Variants in BCAR3 observed in about 807,000 individuals in gnomAD.
BCAR3 encodes the protein BCAR3 adaptor protein, NSP family member.
Under a neutral mutation model 80.1 loss-of-function variants are expected in BCAR3, and 37 were observed. The ratio of observed to expected loss-of-function variants is 0.46; its 90% CI spans 0.36 to 0.61. The LOEUF is 0.61. Among genes scored for constraint, BCAR3 ranks in the 20% least tolerant of loss-of-function variants. BCAR3 has a pLI of 0.00. For synonymous variants in BCAR3, 389 were observed against 418.9 expected (o/e 0.93, Z 0.87); for missense variants, 978 against 1,068.2 (o/e 0.92, Z 1.18).
At chr1:93,622,418 T>C (rs1161254113) in intron 3 of BCAR3, among the ~76,000 whole-genome samples, 1 of 152,194 alleles carries the variant, frequency 6.6e-6, no homozygotes, top group Non-Finnish European at 1.5e-5. Flanking sequence ...TATGCAAATC[T>C]GAAAGGCAGA....
rs530357598 is a variant in BCAR3 at position 93,605,754 on chromosome 1, C to T, written c.358-13361G>A. The stretch of plus-strand genomic sequence containing the variant: ...TCAGCAAATCAAAATCAACTTAATT[C>T]AAATACTCTCATTTCCTAATTCACC... On this transcript the variant is annotated intron_variant, in intron 3 of 11. Coordinates refer to ENST00000260502, the MANE Select transcript of BCAR3 (RefSeq NM_003567.4). 2.6e-5 allele frequency among the ~76,000 whole-genome samples: 4 copies of T among 152,314 alleles called. No homozygotes were observed. The South Asian group carries it at 6.2e-4, about 24-fold the overall frequency.
intron 2 of BCAR3, among the ~76,000 whole-genome samples, chr1:93,650,182 C>T (rs1390741139): frequency 3.3e-5 from 5 of 152,090 alleles, no homozygotes; most frequent in African/African-American, 1.2e-4. Context: ...GTCACGAGTT[C>T]GAGACCAGCC....
chr1:93,568,178 C>T (rs1673039084), intron 9 of BCAR3: 4 of 166,330 alleles, frequency 2.4e-5, no homozygotes, highest in Admixed American at 1.3e-4. Flanking sequence ...AGAGTGAGAC[C>T]CTGTCTCAAA....
intron 2 of BCAR3, among the ~76,000 whole-genome samples, chr1:93,772,568 T>C (rs931828103): frequency 1.8e-4 from 27 of 152,162 alleles, no homozygotes; most frequent in African/African-American, 6.0e-4. Flanking sequence ...TCTTTGTGCA[T>C]CTTGATCCAA....
At chr1:93,772,923 C>T (rs1226344109) in intron 2 of BCAR3, among the ~76,000 whole-genome samples, 1 of 151,918 alleles carries the variant, frequency 6.6e-6, no homozygotes, top group East Asian at 1.9e-4. Flanking sequence ...TTCTTTTTTA[C>T]TTAAGGGGAA....
intron 7 of BCAR3, among the ~76,000 whole-genome samples, chr1:93,577,360 C>A (rs563627272): frequency 2.0e-5 from 3 of 152,152 alleles, no homozygotes; most frequent in Non-Finnish European, 2.9e-5. Flanking sequence ...GGTGGTATTA[C>A]TAACCCTACC....
chr1:93,591,402 G>GA (rs759678888), intron 4 of BCAR3, among the ~76,000 whole-genome samples: 5 of 152,084 alleles, frequency 3.3e-5, no homozygotes, highest in Non-Finnish European at 7.4e-5. Context: ...TTGAACCCAG[G>GA]AGGTAGAGGT....
At chr1:93,689,229 G>A (rs1451375658) in intron 3 of BCAR3, among the ~76,000 whole-genome samples, 9 of 151,918 alleles carry the variant, frequency 5.9e-5, no homozygotes, top group African/African-American at 1.5e-4. Flanking sequence ...GCTCATGCCT[G>A]TAATCCCAGC....
chr1:93,668,204 TTC>T (rs1648017548), intron 2 of BCAR3, among the ~76,000 whole-genome samples: 1 of 152,190 alleles, frequency 6.6e-6, no homozygotes, highest in East Asian at 1.9e-4. Flanking sequence ...CATTGTGTAA[TTC>T]TCTGATCATT....
intron 2 of BCAR3, among the ~76,000 whole-genome samples, chr1:93,751,923 G>A (rs756106277): frequency 1.4e-4 from 21 of 152,316 alleles, no homozygotes; most frequent in Non-Finnish European, 2.6e-4. Context: ...TTACAGATCC[G>A]CCCACATGAC....
At chr1:93,818,115 T>C (rs1654083073) in intron 2 of BCAR3, among the ~76,000 whole-genome samples, 1 of 152,264 alleles carries the variant, frequency 6.6e-6, no homozygotes, top group African/African-American at 2.4e-5. Context: ...ATTTTTCATG[T>C]GCTAGTGCTT....
intron 2 of BCAR3, among the ~76,000 whole-genome samples, chr1:93,829,304 C>T (rs552550302): frequency 2.0e-4 from 31 of 152,030 alleles, no homozygotes; most frequent in Admixed American, 3.3e-4. Context: ...TACTTGTACA[C>T]GTGATTTTAC....
At chr1:93,658,196 C>T (rs764478739) in intron 2 of BCAR3, among the ~76,000 whole-genome samples, 57 of 152,256 alleles carry the variant, frequency 3.7e-4, no homozygotes, top group Non-Finnish European at 6.3e-4. Flanking sequence ...GCCTCGGCCT[C>T]CCAAAGTGCT....
intron 3 of BCAR3, among the ~76,000 whole-genome samples, chr1:93,638,754 A>G (rs1426274886): frequency 1.3e-5 from 2 of 152,216 alleles, no homozygotes; most frequent in Non-Finnish European, 2.9e-5. Context: ...CTTTCAATGC[A>G]GGGAAACAGA....
intron 2 of BCAR3, among the ~76,000 whole-genome samples, chr1:93,797,148 C>T (rs1388625189): frequency 2.0e-5 from 3 of 152,196 alleles, no homozygotes; most frequent in Non-Finnish European, 4.4e-5. Flanking sequence ...TGGTCAATAA[C>T]CTTGTTGAAT....
chr1:93,609,775 C>G (rs1199808680), intron 3 of BCAR3, among the ~76,000 whole-genome samples: 2 of 152,216 alleles, frequency 1.3e-5, no homozygotes, highest in Admixed American at 6.5e-5. Context: ...CACCGGGGTA[C>G]TCCACGTCTC....
intron 3 of BCAR3, among the ~76,000 whole-genome samples, chr1:93,595,712 C>T (rs1230050570): frequency 6.6e-6 from 1 of 152,200 alleles, no homozygotes. Context: ...CTGTAAACCC[C>T]ACAGGTTAGT....
chr1:93,694,282 C>T (rs1030807050), intron 3 of BCAR3, among the ~76,000 whole-genome samples: 5 of 152,106 alleles, frequency 3.3e-5, no homozygotes, highest in East Asian at 3.9e-4. Context: ...GTGCCAGCTC[C>T]GGGATCCTGA....
At chr1:93,818,772 T>C (rs1433272112) in intron 2 of BCAR3, among the ~76,000 whole-genome samples, 1 of 151,310 alleles carries the variant, frequency 6.6e-6, no homozygotes, top group East Asian at 1.9e-4. Flanking sequence ...TGTCAGAGAG[T>C]GGTAAGTGCT....
Sources: allele counts gnomAD v4.1 joint callset (sites outside exome capture counted in the v4.1 genomes callset), GRCh38; gene constraint gnomAD v4.1.1; transcripts MANE v1.5; gene names NCBI Gene and HGNC (gene_info 2026-07-23, HGNC 2026-07-21).